Variants in NCAM1 observed in about 807,000 individuals in gnomAD.
NCAM1 encodes the protein neural cell adhesion molecule 1, also known as antigen recognized by monoclonal antibody 5.1H11.
In NCAM1, 14 loss-of-function variants were observed where a neutral mutation model predicts 109.8. That is an observed-to-expected ratio of 0.13 (90% CI 0.08 to 0.20). The LOEUF (loss-of-function observed/expected upper bound fraction) is 0.20. NCAM1 is among the 10% of genes least tolerant of loss of function. NCAM1 has a pLI of 1.00. For synonymous variants in NCAM1, 418 were observed against 442.9 expected (o/e 0.94, Z 0.70); for missense variants, 774 against 1,109.9 (o/e 0.70, Z 4.30).
At chr11:113,190,053 A>G (rs1326891600) in intron 1 of NCAM1, among the ~76,000 whole-genome samples, 3 of 152,220 alleles carry the variant, frequency 2.0e-5, no homozygotes, top group African/African-American at 7.2e-5. Context: ...GTGTTCCCCC[A>G]ACCTCACTAC....
chr11:113,040,325 C>T (rs1443107075), intron 1 of NCAM1, among the ~76,000 whole-genome samples: 1 of 152,032 alleles, frequency 6.6e-6, no homozygotes, highest in Non-Finnish European at 1.5e-5. Flanking sequence ...TATTGGACAG[C>T]ACAGGTTTAG....
chr11:112,961,962 G>A (rs1256886858), intron 1 of NCAM1, among the ~76,000 whole-genome samples: 1 of 152,150 alleles, frequency 6.6e-6, no homozygotes, highest in Non-Finnish European at 1.5e-5. Flanking sequence ...GGCTCCTGGG[G>A]ACTCAGCGGC....
intron 15 of NCAM1, among the ~76,000 whole-genome samples, chr11:113,249,577 G>T (rs1368728074): frequency 6.6e-6 from 1 of 152,180 alleles, no homozygotes; most frequent in African/African-American, 2.4e-5. Context: ...TTGAAGATGG[G>T]CACGAGCCCC....
In NCAM1 at chr11:113,124,031, G is replaced by C. The variant is rs868956942; in HGVS notation, c.53-78348G>C. Among the ~76,000 whole-genome samples, 6 of 152,288 alleles carry C rather than the reference G, an allele frequency of 3.9e-5. No homozygotes were observed. In the East Asian group the frequency reaches 9.7e-4, roughly 25 times the overall value. On this transcript the variant is annotated intron_variant, in intron 1 of 19. Transcript: ENST00000316851. ...CAGTCATCCAGCTGGGAAGCAGGATGCCAGGTTCTCCTTCAAGCTGGCTCC... is the reference window on the plus strand; with the variant it reads ...CAGTCATCCAGCTGGGAAGCAGGATCCCAGGTTCTCCTTCAAGCTGGCTCC...
intron 1 of NCAM1, among the ~76,000 whole-genome samples, chr11:113,130,468 A>G (rs1197157033): frequency 6.6e-6 from 1 of 152,212 alleles, no homozygotes; most frequent in Non-Finnish European, 1.5e-5. Flanking sequence ...TAGGGAAACA[A>G]ATCAAACAAC....
chr11:113,012,141 C>A (rs138088267), intron 1 of NCAM1, among the ~76,000 whole-genome samples: 17 of 152,140 alleles, frequency 1.1e-4, no homozygotes, highest in Middle Eastern at 6.8e-3. Flanking sequence ...GCCTCAGCCT[C>A]CTGAGGAGCT....
At chr11:113,014,185 A>G (rs1952149120) in intron 1 of NCAM1, among the ~76,000 whole-genome samples, 1 of 152,200 alleles carries the variant, frequency 6.6e-6, no homozygotes, top group Non-Finnish European at 1.5e-5. Flanking sequence ...AGCTGAGAAT[A>G]CTTTTAGAAT....
At chr11:113,168,983 T>C (rs1555105706) in intron 1 of NCAM1, among the ~76,000 whole-genome samples, 1 of 151,948 alleles carries the variant, frequency 6.6e-6, no homozygotes, top group South Asian at 2.1e-4. Flanking sequence ...AGGATGTAAA[T>C]GTGCTTGTGT....
At chr11:113,040,760 A>AT (rs1229979555) in intron 1 of NCAM1, among the ~76,000 whole-genome samples, 1 of 152,166 alleles carries the variant, frequency 6.6e-6, no homozygotes, top group East Asian at 1.9e-4. Context: ...ACTATGTTTT[A>AT]AGTGTTGTTT....
intron 1 of NCAM1, among the ~76,000 whole-genome samples, chr11:113,078,139 C>T (rs138811851): frequency 6.6e-6 from 1 of 152,150 alleles, no homozygotes; most frequent in Non-Finnish European, 1.5e-5. Context: ...GTCGGCAGGA[C>T]TGTGGTCCCT....
intron 1 of NCAM1, among the ~76,000 whole-genome samples, chr11:113,200,233 A>T (rs1944008726): frequency 6.6e-6 from 1 of 152,150 alleles, no homozygotes; most frequent in South Asian, 2.1e-4. Flanking sequence ...GACTTAGGTG[A>T]CCGTGGCATA....
chr11:113,121,252 G>A (rs1414940356), intron 1 of NCAM1, among the ~76,000 whole-genome samples: 1 of 122,896 alleles, frequency 8.1e-6, no homozygotes, highest in Non-Finnish European at 1.7e-5. Flanking sequence ...AGACAGTCTT[G>A]TTCTGTCACC....
chr11:113,225,838 C>T (rs1329542021), intron 9 of NCAM1, among the ~76,000 whole-genome samples: 1 of 152,176 alleles, frequency 6.6e-6, no homozygotes, highest in Non-Finnish European at 1.5e-5. Context: ...AACTAAGCCT[C>T]ATAAGTGAAG....
At chr11:113,207,526 T>G (rs1767921385) in intron 6 of NCAM1, 148 bp downstream of exon 6, 2 of 717,880 alleles carry the variant, frequency 2.8e-6, no homozygotes, top group Non-Finnish European at 4.5e-6. Flanking sequence ...TCTATAAGAT[T>G]CTCTTGCTTG....
At chr11:113,269,309 A>G (rs1001890170) in intron 17 of NCAM1, among the ~76,000 whole-genome samples, 1 of 152,172 alleles carries the variant, frequency 6.6e-6, no homozygotes, top group Non-Finnish European at 1.5e-5. Context: ...ACACAGGCTG[A>G]GTCTTTCACA....
At chr11:113,257,565 C>T (rs1945864740) in intron 16 of NCAM1, among the ~76,000 whole-genome samples, 2 of 152,192 alleles carry the variant, frequency 1.3e-5, no homozygotes, top group Non-Finnish European at 2.9e-5. Context: ...CCAACCATGT[C>T]GGATGTCAGT....
At chr11:113,109,797 G>C (rs1051823276) in intron 1 of NCAM1, among the ~76,000 whole-genome samples, 1 of 152,174 alleles carries the variant, frequency 6.6e-6, no homozygotes, top group South Asian at 2.1e-4. Context: ...GATCTTGAAT[G>C]TGGAGATGAT....
At position 113,207,797 on chromosome 11, in the gene NCAM1, C is replaced by T. The variant is rs782710232; in HGVS notation, c.747-36C>T. ...AAAATAAACGTCTTATTTCTGTGGT[C>T]GAAATCATGCTACTTTGCATTTCTA... On this transcript the variant is annotated intron_variant, in intron 6 of 19. Coordinates refer to ENST00000316851, the MANE Select transcript of NCAM1 (RefSeq NM_181351.5). The T allele has an allele frequency of 4.1e-5, 64 of 1,574,014 alleles. No individual in the cohort carries two copies. The East Asian group carries it at 5.0e-4, about 12-fold the overall frequency.
chr11:113,066,440 GA>G, intron 1 of NCAM1, among the ~76,000 whole-genome samples: 1 of 152,214 alleles, frequency 6.6e-6, no homozygotes, highest in African/African-American at 2.4e-5. Flanking sequence ...ATCCATCCAG[GA>G]TTGGGTAGAA....
Sources: gnomAD v4.1 joint callset for allele counts (sites outside exome capture counted in the v4.1 genomes callset) on GRCh38, gnomAD v4.1.1 for gene constraint, MANE v1.5 for transcripts, NCBI Gene and HGNC (gene_info 2026-07-23, HGNC 2026-07-21) for gene names.